Variants in NARS2 observed in about 807,000 individuals in gnomAD.
NARS2 encodes asparaginyl-tRNA synthetase.
NARS2 carries 60 observed loss-of-function variants against 62.9 expected under a neutral mutation model. The observed-to-expected ratio is 0.95, with a 90% CI of 0.77 to 1.18. NARS2 has a LOEUF of 1.18. NARS2 is among the 50% of genes most tolerant of loss of function. The probability of loss-of-function intolerance (pLI) is 0.00; values close to 1 mark genes in which losing one functional copy is unlikely to be tolerated. For synonymous variants in NARS2, 196 were observed against 200.0 expected, an observed-to-expected ratio of 0.98 and a Z score of 0.17; for missense variants, 619 against 576.4, an observed-to-expected ratio of 1.07 and a Z score of -0.76.
chr11:78,474,270 A>G (rs889003725), intron 9 of NARS2, among the ~76,000 whole-genome samples: 1 of 152,190 alleles, frequency 6.6e-6, no homozygotes, highest in Non-Finnish European at 1.5e-5. Flanking sequence ...GAAAAGTTAA[A>G]GATTCACTAT....
At chr11:78,437,205 A>G (rs979547835) in intron 13 of NARS2, among the ~76,000 whole-genome samples, 2 of 152,152 alleles carry the variant, frequency 1.3e-5, no homozygotes, top group African/African-American at 4.8e-5. Flanking sequence ...TTTCCTTCCC[A>G]AAATCATATT....
chr11:78,509,248 A>G (rs974830479), intron 6 of NARS2, among the ~76,000 whole-genome samples: 5 of 152,222 alleles, frequency 3.3e-5, no homozygotes, highest in Admixed American at 2.6e-4. Context: ...CTGTCCTTCA[A>G]AAGTAAGGGA....
At position 78,526,085 on chromosome 11, in the gene NARS2, G is replaced by A. The variant is rs535086152; in HGVS notation, c.689+2757C>T. On this transcript the variant is annotated intron_variant, in intron 6 of 13. Coordinates refer to ENST00000281038, the MANE Select transcript of NARS2 (RefSeq NM_024678.6). The stretch of plus-strand genomic sequence containing the variant: ...AAAGAATAAGGGTATTGATGGAAAA[G>A]CTGGTGAAATCCAAATAAAGTCTAG... Among the ~76,000 whole-genome samples, 280 of 152,262 alleles carry A rather than the reference G, an allele frequency of 1.8e-3. 1 individual carries two copies. Among genetic ancestry groups the A allele is most frequent in the Middle Eastern group, 6.8e-3 (2 of 294 alleles).
chr11:78,448,168 T>C (rs1485343707), intron 11 of NARS2, among the ~76,000 whole-genome samples: 1 of 152,174 alleles, frequency 6.6e-6, no homozygotes, highest in African/African-American at 2.4e-5. Flanking sequence ...AACGTTAGAA[T>C]GTTGCATATA....
At chr11:78,476,555 T>C (rs1488411794) in intron 9 of NARS2, among the ~76,000 whole-genome samples, 1 of 152,308 alleles carries the variant, frequency 6.6e-6, no homozygotes, top group East Asian at 1.9e-4. Flanking sequence ...CATTCCCAAA[T>C]TTTGGGATTT....
At chr11:78,541,114 A>G (rs1030081126) in intron 5 of NARS2, among the ~76,000 whole-genome samples, 3 of 152,174 alleles carry the variant, frequency 2.0e-5, no homozygotes, top group Non-Finnish European at 2.9e-5. Context: ...AGCTGAAACT[A>G]GTACTATTGT....
chr11:78,562,708 T>C (rs1488702214), intron 4 of NARS2, among the ~76,000 whole-genome samples: 2 of 152,256 alleles, frequency 1.3e-5, no homozygotes, highest in South Asian at 2.1e-4. Flanking sequence ...TCCTTGAGGA[T>C]TCTAAATAGC....
intron 9 of NARS2, among the ~76,000 whole-genome samples, chr11:78,469,597 G>T (rs1858779645): frequency 6.6e-6 from 1 of 152,144 alleles, no homozygotes; most frequent in South Asian, 2.1e-4. Flanking sequence ...CCTATTAAAA[G>T]ACTACAACAG....
At chr11:78,437,080 A>G (rs1857432764) in intron 13 of NARS2, among the ~76,000 whole-genome samples, 1 of 152,190 alleles carries the variant, frequency 6.6e-6, no homozygotes, top group South Asian at 2.1e-4. Context: ...ATATTTATGC[A>G]TTTATGACAG....
intron 7 of NARS2, among the ~76,000 whole-genome samples, chr11:78,488,231 T>C (rs1859658805): frequency 8.6e-6 from 1 of 116,076 alleles, no homozygotes; most frequent in Non-Finnish European, 1.6e-5. Flanking sequence ...TTAGCCTACC[T>C]GGTAAAAAAA....
intron 1 of NARS2, among the ~76,000 whole-genome samples, chr11:78,572,887 C>T (rs1347033097): frequency 1.3e-5 from 2 of 152,124 alleles, no homozygotes; most frequent in African/African-American, 2.4e-5. Flanking sequence ...ATGTATTTTA[C>T]ACTTATAGCA....
intron 11 of NARS2, among the ~76,000 whole-genome samples, chr11:78,457,435 T>C (rs1858206232): frequency 1.3e-5 from 2 of 152,330 alleles, no homozygotes; most frequent in Admixed American, 1.3e-4. Flanking sequence ...TTTAGTCATC[T>C]GGCCCAAAGC....
intron 11 of NARS2, among the ~76,000 whole-genome samples, chr11:78,460,271 ATTT>A (rs112389422): frequency 6.9e-6 from 1 of 145,236 alleles, no homozygotes; most frequent in Non-Finnish European, 1.5e-5. Context: ...GATTGGGTTA[ATTT>A]TTTTTTTTTT....
intron 5 of NARS2, among the ~76,000 whole-genome samples, chr11:78,540,017 T>A (rs752870017): frequency 1.3e-5 from 2 of 152,178 alleles, no homozygotes; most frequent in Non-Finnish European, 2.9e-5. Context: ...TTACCTCCCA[T>A]CCTAAACAGT....
At chr11:78,517,507 C>A (rs1038149375) in intron 6 of NARS2, among the ~76,000 whole-genome samples, 6 of 152,188 alleles carry the variant, frequency 3.9e-5, no homozygotes, top group African/African-American at 9.7e-5. Context: ...TCCACTCCAA[C>A]AATTTTTCAT....
intron 11 of NARS2, among the ~76,000 whole-genome samples, chr11:78,461,547 G>A (rs899524437): frequency 6.8e-6 from 1 of 147,980 alleles, no homozygotes; most frequent in Non-Finnish European, 1.5e-5. Flanking sequence ...GGTGTGATAG[G>A]GGTGGAAACT....
At chr11:78,563,851 A>AAAAAAT (rs1404770578) in intron 4 of NARS2, among the ~76,000 whole-genome samples, 15 of 34,016 alleles carry the variant, frequency 4.4e-4, no homozygotes, top group African/African-American at 1.4e-3. Flanking sequence ...AAAAAAAAAA[A>AAAAAAT]ATATATATAT....
At chr11:78,554,657 G>A (rs1856278224) in intron 5 of NARS2, among the ~76,000 whole-genome samples, 1 of 152,154 alleles carries the variant, frequency 6.6e-6, no homozygotes, top group African/African-American at 2.4e-5. Context: ...TTTATCAGCT[G>A]AAGGAGCTTT....
At chr11:78,487,227 G>A (rs1009507492) in intron 7 of NARS2, among the ~76,000 whole-genome samples, 4 of 151,784 alleles carry the variant, frequency 2.6e-5, no homozygotes, top group African/African-American at 9.7e-5. Flanking sequence ...ATGGTGGCAG[G>A]TGCCTATAAT....
Sources: allele counts gnomAD v4.1 joint callset (sites outside exome capture counted in the v4.1 genomes callset), GRCh38; gene constraint gnomAD v4.1.1; transcripts MANE v1.5; gene names NCBI Gene and HGNC (gene_info 2026-07-23, HGNC 2026-07-21).